ST6GALNAC3: variants seen among roughly 807,000 people sequenced by gnomAD.
The protein encoded by ST6GALNAC3 is ST6 N-acetylgalactosaminide alpha-2,6-sialyltransferase 3, also known as alpha-N-acetylgalactosaminide alpha-2,6-sialyltransferase 3.
In ST6GALNAC3, 25 loss-of-function variants were observed where a neutral mutation model predicts 32.7. The ratio of observed to expected loss-of-function variants is 0.76; its 90% CI spans 0.56 to 1.07. The LOEUF (loss-of-function observed/expected upper bound fraction) is 1.07, where lower values mean the gene tolerates loss of function less well. ST6GALNAC3 is among the 50% of genes least tolerant of loss of function. The pLI is 0.00. For missense variants in ST6GALNAC3, 355 were observed against 382.4 expected (o/e 0.93, Z 0.60); for synonymous variants, 129 against 133.1 (o/e 0.97, Z 0.21).
At chr1:76,491,022 C>CTAA (rs1660467369) in intron 3 of ST6GALNAC3, among the ~76,000 whole-genome samples, 2 of 151,902 alleles carry the variant, frequency 1.3e-5, no homozygotes, top group African/African-American at 2.4e-5. Flanking sequence ...CCACGCCCGG[C>CTAA]TAATTTTTTA....
rs574035099 is a variant in ST6GALNAC3 at position 76,629,362 on chromosome 1, A to C, written c.*556A>C. On this transcript the variant is annotated 3_prime_UTR_variant, in exon 5 of 5. Coordinates refer to ENST00000328299, the MANE Select transcript of ST6GALNAC3 (RefSeq NM_152996.4). ...ACCATCTTTCTACAGTATTTCCTAC[A>C]GCTAAAGCCTCAGGCCATTGCCTAA... 1.7e-5 allele frequency: 17 copies of C among 985,386 alleles called. No homozygotes were observed. In the South Asian group the frequency reaches 6.6e-4, roughly 38 times the overall value. 61.0% of individuals were successfully genotyped at this position (985,386 alleles called of 1,614,324 possible). A position where few individuals can be genotyped will look rare whatever the true frequency, so the allele number is the denominator to read the frequency against.
chr1:76,522,717 A>T (rs1475740835), intron 3 of ST6GALNAC3, among the ~76,000 whole-genome samples: 1 of 152,088 alleles, frequency 6.6e-6, no homozygotes, highest in Non-Finnish European at 1.5e-5. Flanking sequence ...CATGTTTCCA[A>T]TTGAAGTGGG....
At position 76,313,891 on chromosome 1, in the gene ST6GALNAC3, G is replaced by T; in HGVS notation, c.105G>T (p.Leu35Phe). 1 of 1,613,536 alleles carries T rather than the reference G, an allele frequency of 6.2e-7. No individual in the cohort carries two copies. The highest frequency in any genetic ancestry group is 8.5e-7 in the Non-Finnish European group (1 of 1,179,726). The part of the protein sequence containing the change: ...VRLVNEVNFP[L>F]LLNCFGQPGT... ...TTGTAAATGAAGTGAATTTCCCATT[G>T]CTACTAAACTGCTTTGGACAACCTG... is the stretch of plus-strand genomic sequence containing the variant. Residue 35 changes from leucine to phenylalanine, a missense_variant, in exon 2 of 5, where the codon TTG becomes TTT. Physicochemically the swap from Leu to Phe is conservative, Grantham distance 22. Transcript: ENST00000328299.
chr1:76,573,491 C>A lies in ST6GALNAC3; in HGVS notation c.624-53961C>A, dbSNP rs1178784305. Among the ~76,000 whole-genome samples, 4 of 152,164 alleles carry A rather than the reference C, an allele frequency of 2.6e-5. No homozygotes were observed. In the East Asian group the frequency reaches 7.8e-4, roughly 30 times the overall value. On this transcript the variant is annotated intron_variant, in intron 3 of 4. Transcript: ENST00000328299. ...TGCCCTGATACAGGCAACCTGAGTGCTTAGTTCCTTCTCTGCTCAGAACTT... is the reference window on the plus strand; with the variant it reads ...TGCCCTGATACAGGCAACCTGAGTGATTAGTTCCTTCTCTGCTCAGAACTT...
chr1:76,604,955 A>C (rs1647424722), intron 3 of ST6GALNAC3, among the ~76,000 whole-genome samples: 1 of 152,142 alleles, frequency 6.6e-6, no homozygotes, highest in African/African-American at 2.4e-5. Flanking sequence ...ATTTTGTCTT[A>C]ATTGGGTCAT....
intron 1 of ST6GALNAC3, among the ~76,000 whole-genome samples, chr1:76,241,556 A>G (rs1209994730): frequency 2.0e-5 from 3 of 152,152 alleles, no homozygotes; most frequent in Non-Finnish European, 4.4e-5. Flanking sequence ...AACACCTCCC[A>G]TTAGTCCCCA....
At chr1:76,290,201 G>A (rs2100814022) in intron 1 of ST6GALNAC3, among the ~76,000 whole-genome samples, 1 of 152,360 alleles carries the variant, frequency 6.6e-6, no homozygotes, top group East Asian at 1.9e-4. Context: ...ACCCCTGTTA[G>A]CACTGTGTGT....
chr1:76,276,351 A>T (rs1260052181), intron 1 of ST6GALNAC3, among the ~76,000 whole-genome samples: 1 of 152,060 alleles, frequency 6.6e-6, no homozygotes, highest in Non-Finnish European at 1.5e-5. Context: ...TTTACCCTTT[A>T]TGTATACAAT....
intron 1 of ST6GALNAC3, among the ~76,000 whole-genome samples, chr1:76,287,625 A>G (rs1365521102): frequency 1.3e-5 from 2 of 152,126 alleles, no homozygotes; most frequent in African/African-American, 2.4e-5. Flanking sequence ...GAATGATTCT[A>G]TCATCCCTAG....
At chr1:76,564,834 C>T (rs556588088) in intron 3 of ST6GALNAC3, among the ~76,000 whole-genome samples, 10 of 152,196 alleles carry the variant, frequency 6.6e-5, no homozygotes, top group Admixed American at 1.3e-4. Context: ...CCGCCTGCTT[C>T]GGCCTCCCAA....
intron 3 of ST6GALNAC3, among the ~76,000 whole-genome samples, chr1:76,620,721 C>A (rs894936336): frequency 6.6e-5 from 10 of 152,002 alleles, no homozygotes; most frequent in African/African-American, 2.4e-4. Flanking sequence ...TCACCAAATA[C>A]AAAATACCAC....
intron 1 of ST6GALNAC3, among the ~76,000 whole-genome samples, chr1:76,255,249 T>C (rs1309766546): frequency 6.6e-6 from 1 of 152,130 alleles, no homozygotes; most frequent in Non-Finnish European, 1.5e-5. Flanking sequence ...TGGCCCCTTA[T>C]ACTAACTGAG....
chr1:76,570,574 C>T (rs547887593), intron 3 of ST6GALNAC3, among the ~76,000 whole-genome samples: 2 of 152,074 alleles, frequency 1.3e-5, no homozygotes, highest in African/African-American at 4.8e-5. Context: ...TAAATTTTCA[C>T]TTACTTCTAA....
chr1:76,469,056 T>C (rs990868358), intron 3 of ST6GALNAC3, among the ~76,000 whole-genome samples: 7 of 152,114 alleles, frequency 4.6e-5, no homozygotes, highest in Non-Finnish European at 8.8e-5. Context: ...TATTATTAGC[T>C]GGATTAAAAT....
intron 1 of ST6GALNAC3, among the ~76,000 whole-genome samples, chr1:76,107,177 CCT>C (rs566945478): frequency 1.3e-3 from 194 of 152,302 alleles, no homozygotes; most frequent in African/African-American, 4.5e-3. Context: ...AAACTCAGCC[CCT>C]CTTTCCTGAC....
Position 76,412,443 on chromosome 1 carries a change from TTG to T in ST6GALNAC3, c.623+28_623+29del, listed in dbSNP as rs764323873. On this transcript the variant is annotated intron_variant, in intron 3 of 4. Coordinates refer to ENST00000328299, the MANE Select transcript of ST6GALNAC3 (RefSeq NM_152996.4). ...GTGAGCCCTCTCTGAAGCAGCTTTATTGTCTTTTATTATCTTTTATGCTAAAT... is the reference window on the plus strand; with the variant it reads ...GTGAGCCCTCTCTGAAGCAGCTTTATTCTTTTATTATCTTTTATGCTAAAT... The T allele has an allele frequency of 2.3e-5, 36 of 1,553,102 alleles. No homozygotes were observed. The African/African-American group carries it at 4.4e-4, about 19-fold the overall frequency.
chr1:76,331,387 C>T (rs1647183887), intron 2 of ST6GALNAC3, among the ~76,000 whole-genome samples: 1 of 152,168 alleles, frequency 6.6e-6, no homozygotes, highest in South Asian at 2.1e-4. Context: ...TATTTACAGT[C>T]ACTTAGTGGA....
Position 76,631,145 on chromosome 1 carries a change from G to T in ST6GALNAC3, c.*2339G>T, listed in dbSNP as rs1386085130. 2 of 512,658 alleles carry T rather than the reference G, an allele frequency of 3.9e-6. No homozygotes were observed. The highest frequency in any genetic ancestry group is 5.0e-6 in the Non-Finnish European group (2 of 398,630). 31.8% of individuals were successfully genotyped at this position (512,658 alleles called of 1,614,324 possible). ...ATAGCAGAAGGTGTGTGTGGAATAT[G>T]TAGACTCCAGTGTTTTCTTAGGAGG... On this transcript the variant is annotated 3_prime_UTR_variant, in exon 5 of 5. Transcript: ENST00000328299.
chr1:76,595,064 C>T (rs1647112961), intron 3 of ST6GALNAC3, among the ~76,000 whole-genome samples: 1 of 151,892 alleles, frequency 6.6e-6, no homozygotes. Flanking sequence ...TCCTGCAGAC[C>T]CTGGCCGAGC....
Sources: gnomAD v4.1 joint callset for allele counts (sites outside exome capture counted in the v4.1 genomes callset) on GRCh38, gnomAD v4.1.1 for gene constraint, MANE v1.5 for transcripts, NCBI Gene and HGNC (gene_info 2026-07-23, HGNC 2026-07-21) for gene names.